Variants in XPO5 observed in about 807,000 individuals in gnomAD.
XPO5 encodes the protein exportin-5.
Under a neutral mutation model 160.6 loss-of-function variants are expected in XPO5, and 46 were observed. The observed-to-expected ratio is 0.29, with a 90% CI of 0.23 to 0.37. The LOEUF (loss-of-function observed/expected upper bound fraction) is 0.37. Ranked by LOEUF, XPO5 falls within the 10% of genes least tolerant of loss-of-function variation. The probability of loss-of-function intolerance (pLI) is 1.00; values close to 1 mark genes in which losing one functional copy is unlikely to be tolerated. For synonymous variants in XPO5, 537 were observed against 519.3 expected (o/e 1.03, Z -0.46); for missense variants, 1,090 against 1,463.9 (o/e 0.74, Z 4.17).
At chr6:43,532,753 C>A (rs1326763094) in intron 21 of XPO5, among the ~76,000 whole-genome samples, 1 of 152,200 alleles carries the variant, frequency 6.6e-6, no homozygotes, top group Admixed American at 6.5e-5. Flanking sequence ...CAGAGCCCTG[C>A]CACTTTCCTT....
rs774464969 is a variant in XPO5 at position 43,522,546 on chromosome 6, C to T, written c.*1322G>A. 14 of 263,488 alleles carry T rather than the reference C, an allele frequency of 5.3e-5. No homozygotes were observed. The highest frequency in any genetic ancestry group is 2.2e-4 in the East Asian group (2 of 9,032). The allele number at this position is 263,488 out of a possible 1,614,324, so 16.3% of individuals were successfully genotyped here. ...GTTTGGAGGGAAACACTCTTGAGATCGCCTTCACGATCCACAGAAACCCAG... is the reference window on the plus strand; with the variant it reads ...GTTTGGAGGGAAACACTCTTGAGATTGCCTTCACGATCCACAGAAACCCAG... On this transcript the variant is annotated 3_prime_UTR_variant, in exon 32 of 32. Coordinates refer to ENST00000265351, the MANE Select transcript of XPO5 (RefSeq NM_020750.3).
chr6:43,529,909 CA>C lies in XPO5; in HGVS notation c.2677+778del, dbSNP rs1191727799. Reference sequence around the variant, plus strand: ...CCTGGGTAACACTGAGACCCTGTCTCAAAAAAAAAAAAAAAAAAGTGCTTCT... The same window carrying C: ...CCTGGGTAACACTGAGACCCTGTCTCAAAAAAAAAAAAAAAAAGTGCTTCT... On this transcript the variant is annotated intron_variant, in intron 23 of 31. Transcript: ENST00000265351. Among the ~76,000 whole-genome samples, 885 of 97,534 alleles carry C rather than the reference CA, an allele frequency of 9.1e-3. 6 individuals carry two copies. Among genetic ancestry groups the C allele is most frequent in the African/African-American group, 0.023 (594 of 25,630 alleles). 64.0% of individuals were successfully genotyped at this position (97,534 alleles called of 152,430 possible).
At chr6:43,547,756 G>T in intron 18 of XPO5, 49 bp from the exon 19 acceptor site, 2 of 1,552,078 alleles carry the variant, frequency 1.3e-6, no homozygotes, top group Non-Finnish European at 1.8e-6. Context: ...TTTAAACAAG[G>T]ACAGTTTCTT....
Position 43,523,886 on chromosome 6 carries a change from G to A in XPO5, c.3597C>T (p.Ala1199=). 6.2e-7 allele frequency: 1 copy of A among 1,613,996 alleles called. No individual in the cohort carries two copies. The highest frequency in any genetic ancestry group is 8.5e-7 in the Non-Finnish European group (1 of 1,179,894). The change falls in exon 32 of 32, where the codon GCC becomes GCT. Residue 1199 remains alanine (A), a synonymous_variant. Coordinates refer to ENST00000265351, the MANE Select transcript of XPO5 (RefSeq NM_020750.3). Reference sequence around the variant, plus strand: ...GCTTGATTCAGGGTTCAAAGATGGTGGCCAGGCCACCCCCATCATTGTCCA... The same window carrying A: ...GCTTGATTCAGGGTTCAAAGATGGTAGCCAGGCCACCCCCATCATTGTCCA... ...EVLDNDGGGL[A]TIFEP
At chr6:43,528,538 T>G (rs1172094889) in intron 24 of XPO5, among the ~76,000 whole-genome samples, 1 of 152,126 alleles carries the variant, frequency 6.6e-6, no homozygotes, top group Non-Finnish European at 1.5e-5. Flanking sequence ...GACCCAGCAT[T>G]CCTGGCAAGG....
chr6:43,568,131 A>AC (rs1762796780), intron 6 of XPO5, among the ~76,000 whole-genome samples: 1 of 151,450 alleles, frequency 6.6e-6, no homozygotes, highest in Non-Finnish European at 1.5e-5. Flanking sequence ...ACATGGTGAA[A>AC]CCCCGTCTCT....
chr6:43,553,697 T>A, intron 13 of XPO5, 194 bp from the exon 14 acceptor site: 1 of 1,247,814 alleles, frequency 8.0e-7, no homozygotes. Flanking sequence ...AGCAATGAGG[T>A]AGGTGAAGGT....
At chr6:43,546,283 A>G (rs1794961025) in intron 20 of XPO5, among the ~76,000 whole-genome samples, 1 of 152,244 alleles carries the variant, frequency 6.6e-6, no homozygotes, top group Non-Finnish European at 1.5e-5. Context: ...ACTTACAAGT[A>G]AAAATAGGGA....
rs765455963 is a variant in XPO5, at chr6:43,549,844, C to T, written c.1770+49G>A. 18 of 1,541,264 alleles carry T rather than the reference C, an allele frequency of 1.2e-5. No individual in the cohort carries two copies. The South Asian group carries it at 2.1e-4, about 18-fold the overall frequency. On this transcript the variant is annotated intron_variant, in intron 16 of 31. Coordinates refer to ENST00000265351, the MANE Select transcript of XPO5 (RefSeq NM_020750.3). ...ATAAACTGAGTATCAGGTATTCATA[C>T]ATTTGTACTCAAGAAGTTAGAATCT...
chr6:43,524,326 T>C, intron 31 of XPO5, 145 bp downstream of exon 31: 1 of 1,160,672 alleles, frequency 8.6e-7, no homozygotes, highest in African/African-American at 1.6e-5. Flanking sequence ...CACTCCAGCC[T>C]GGGCAACAAG....
intron 8 of XPO5, among the ~76,000 whole-genome samples, chr6:43,564,926 T>C (rs9688512): frequency 0.039 from 5,485 of 139,806 alleles, 338 homozygotes; most frequent in African/African-American, 0.15. Flanking sequence ...TTTTCTCTCT[T>C]TTTTTTTTTT....
chr6:43,555,674 G>A (rs1582231814), intron 13 of XPO5, 162 bp downstream of exon 13: 2 of 727,654 alleles, frequency 2.7e-6, no homozygotes, highest in Non-Finnish European at 4.0e-6. Flanking sequence ...TGCTTTCTTT[G>A]TGTCAGCCAA....
chr6:43,552,347 C>T (rs113254212), intron 14 of XPO5, among the ~76,000 whole-genome samples: 2,182 of 152,066 alleles, frequency 0.014, 18 homozygotes, highest in Middle Eastern at 0.034. Context: ...TGAGCCACTG[C>T]GCCCCACCCT....
intron 23 of XPO5, 143 bp from the exon 24 acceptor site, chr6:43,529,068 T>TA (rs1469687718): frequency 2.8e-5 from 31 of 1,107,526 alleles, no homozygotes; most frequent in Non-Finnish European, 3.9e-5. Flanking sequence ...GAAAAAATCT[T>TA]AAAGTTCTTT....
At chr6:43,551,511 T>C in intron 14 of XPO5, 58 bp from the exon 15 acceptor site, 1 of 1,585,072 alleles carries the variant, frequency 6.3e-7, no homozygotes, top group Non-Finnish European at 8.6e-7. Context: ...AAATAACCAT[T>C]TTGGCTACAT....
At position 43,523,838 on chromosome 6, in the gene XPO5, A is replaced by C. The variant is rs1161740874; in HGVS notation, c.*30T>G. ...AAAGGGAAAGAAGAGATGACAAGAA[A>C]GGCCGAGGAAGGATGCCCAAAAGCT... On this transcript the variant is annotated 3_prime_UTR_variant, in exon 32 of 32. Transcript: ENST00000265351. 6.2e-7 allele frequency: 1 copy of C among 1,613,860 alleles called. No individual in the cohort carries two copies. Among genetic ancestry groups the C allele is most frequent in the South Asian group, 1.1e-5 (1 of 91,090 alleles).
At chr6:43,526,068 C>A in intron 27 of XPO5, 147 bp from the exon 28 acceptor site, 1 of 730,710 alleles carries the variant, frequency 1.4e-6, no homozygotes. Flanking sequence ...CCCACCTCCA[C>A]ATAATGCCCA....
rs1341073480 is a variant in XPO5 at position 43,570,537 on chromosome 6, T to C, written c.586A>G (p.Thr196Ala). Residue 196 changes from threonine (T) to alanine (A), a missense_variant, in exon 5 of 32, where the codon ACA becomes GCA. Transcript: ENST00000265351. ...MERIFSFLLN[T>A]LQENVNKYQQ... Reference sequence around the variant, plus strand: ...TACTTGTTTACATTTTCTTGAAGTGTGTTAAGCAGAAAACTGAAGATCCTT... The same window carrying C: ...TACTTGTTTACATTTTCTTGAAGTGCGTTAAGCAGAAAACTGAAGATCCTT... 1 of 1,613,526 alleles carries C rather than the reference T, an allele frequency of 6.2e-7. No homozygotes were observed. Among genetic ancestry groups the C allele is most frequent in the Non-Finnish European group, 8.5e-7 (1 of 1,179,810 alleles).
intron 20 of XPO5, among the ~76,000 whole-genome samples, chr6:43,534,914 G>C (rs931678649): frequency 6.6e-6 from 1 of 152,060 alleles, no homozygotes; most frequent in Admixed American, 6.6e-5. Flanking sequence ...AGAATTGCTT[G>C]AACTTGCGAG....
Sources: gnomAD v4.1 joint callset for allele counts (sites outside exome capture counted in the v4.1 genomes callset) on GRCh38, gnomAD v4.1.1 for gene constraint, MANE v1.5 for transcripts, NCBI Gene and HGNC (gene_info 2026-07-23, HGNC 2026-07-21) for gene names.